RGS17: variants seen among roughly 807,000 people sequenced by gnomAD.
The protein encoded by RGS17 is regulator of G protein signaling 17.
A neutral mutation model predicts 25.5 loss-of-function variants in RGS17; 12 were observed. The ratio of observed to expected loss-of-function variants is 0.47; its 90% CI spans 0.30 to 0.76. The LOEUF (loss-of-function observed/expected upper bound fraction) is 0.76, where lower values mean the gene tolerates loss of function less well. Ranked by LOEUF, RGS17 falls within the 30% of genes least tolerant of loss-of-function variation. The pLI is 0.07. For synonymous variants in RGS17, 71 were observed against 76.9 expected (o/e 0.92, Z 0.40); for missense variants, 196 against 242.2 (o/e 0.81, Z 1.27).
rs1235183028 is a variant in RGS17, at chr6:153,127,311, T to C, written c.-26+3813A>G. Among the ~76,000 whole-genome samples the C allele has an allele frequency of 2.6e-5, 4 of 152,196 alleles. No homozygotes were observed. The East Asian group carries it at 7.7e-4, about 29-fold the overall frequency. On this transcript the variant is annotated intron_variant, in intron 1 of 4. Transcript: ENST00000206262. ...CCCTGTTCTAGAATATGATTCAAAT[T>C]CTTAAAACAATGGTACGTTTATATA...
intron 1 of RGS17, among the ~76,000 whole-genome samples, chr6:153,072,401 C>G (rs189403455): frequency 6.6e-6 from 1 of 152,098 alleles, no homozygotes; most frequent in Admixed American, 6.6e-5. Context: ...ATGGGATGCA[C>G]GTAGCTCTTC....
In RGS17 at chr6:153,060,854, T is replaced by A. The variant is rs755062988; in HGVS notation, c.-25-16811A>T. ...ATTATGAAATTCTGAACCCAGTATT[T>A]CATCTAGAACAACCATTTAAAAATT... On this transcript the variant is annotated intron_variant, in intron 1 of 4. Transcript: ENST00000206262. Among the ~76,000 whole-genome samples the A allele has an allele frequency of 3.3e-5, 5 of 152,204 alleles. No homozygotes were observed. The East Asian group carries it at 9.6e-4, about 29-fold the overall frequency.
intron 1 of RGS17, among the ~76,000 whole-genome samples, chr6:153,084,636 T>A (rs1400471943): frequency 6.6e-6 from 1 of 152,188 alleles, no homozygotes; most frequent in Non-Finnish European, 1.5e-5. Flanking sequence ...TGATTTAAGG[T>A]TCCTCAGAAG....
chr6:153,101,753 G>T (rs1298100877), intron 1 of RGS17, among the ~76,000 whole-genome samples: 1 of 150,976 alleles, frequency 6.6e-6, no homozygotes, highest in Non-Finnish European at 1.5e-5. Flanking sequence ...GTTCTCGTAA[G>T]ATCTGGTTGT....
chr6:153,108,021 C>T (rs184078557), intron 1 of RGS17, among the ~76,000 whole-genome samples: 1 of 152,268 alleles, frequency 6.6e-6, no homozygotes, highest in Admixed American at 6.5e-5. Context: ...TAGTGCTTCT[C>T]CTATGATATG....
chr6:153,119,708 G>T (rs1308375742), intron 1 of RGS17, among the ~76,000 whole-genome samples: 2 of 151,962 alleles, frequency 1.3e-5, no homozygotes, highest in East Asian at 3.9e-4. Flanking sequence ...AAGAAAAAAC[G>T]GTTATTTCCA....
chr6:153,129,678 A>G (rs1221410972), intron 1 of RGS17, among the ~76,000 whole-genome samples: 1 of 152,232 alleles, frequency 6.6e-6, no homozygotes, highest in Non-Finnish European at 1.5e-5. Context: ...TCTCTTTATT[A>G]TTTGTGAAAG....
intron 1 of RGS17, among the ~76,000 whole-genome samples, chr6:153,122,952 A>AC (rs1491361369): frequency 2.3e-4 from 35 of 151,530 alleles, no homozygotes; most frequent in Admixed American, 1.1e-3. Context: ...ACATTGGAGT[A>AC]AATTGGAGTA....
chr6:153,090,794 G>A (rs1385247411), intron 1 of RGS17, among the ~76,000 whole-genome samples: 3 of 152,004 alleles, frequency 2.0e-5, no homozygotes, highest in Non-Finnish European at 4.4e-5. Context: ...AGTCACAGCT[G>A]TTTCAGTAAT....
At chr6:153,098,216 T>C (rs1777246142) in intron 1 of RGS17, among the ~76,000 whole-genome samples, 1 of 152,126 alleles carries the variant, frequency 6.6e-6, no homozygotes, top group Non-Finnish European at 1.5e-5. Context: ...ATAGAGTCTT[T>C]CAGGTATTGG....
intron 1 of RGS17, among the ~76,000 whole-genome samples, chr6:153,073,940 T>C (rs1776842412): frequency 6.6e-6 from 1 of 152,110 alleles, no homozygotes; most frequent in Non-Finnish European, 1.5e-5. Context: ...GATTGCTTGA[T>C]GATAAAATAT....
At position 153,109,001 on chromosome 6, in the gene RGS17, G is replaced by A. The variant is rs1015804039; in HGVS notation, c.-26+22123C>T. Among the ~76,000 whole-genome samples, 5 of 152,014 alleles carry A rather than the reference G, an allele frequency of 3.3e-5. No homozygotes were observed. In the East Asian group the frequency reaches 9.7e-4, roughly 30 times the overall value. On this transcript the variant is annotated intron_variant, in intron 1 of 4. Coordinates refer to ENST00000206262, the MANE Select transcript of RGS17 (RefSeq NM_012419.5). ...TCTCAGAACAGTGCTAGCACATAGT[G>A]GGTGCTCAGTAAGTAATTTGTTTAA...
At position 153,009,275 on chromosome 6, in the gene RGS17, T is replaced by G. The variant is rs1206306739; in HGVS notation, c.*2299A>C. The G allele has an allele frequency of 6.6e-6, 1 of 152,130 alleles. No individual in the cohort carries two copies. Among genetic ancestry groups the G allele is most frequent in the Non-Finnish European group, 1.5e-5 (1 of 67,970 alleles). The allele number at this position is 152,130 out of a possible 1,614,324, so 9.4% of individuals were successfully genotyped here. On this transcript the variant is annotated 3_prime_UTR_variant, in exon 5 of 5. Coordinates refer to ENST00000206262, the MANE Select transcript of RGS17 (RefSeq NM_012419.5). ...TAAAGTCTACATTTAAAAAGATGGA[T>G]GCATGCAGTGTATCACAGTATATTA...
At chr6:153,056,706 T>C (rs540776473) in intron 1 of RGS17, among the ~76,000 whole-genome samples, 30 of 151,956 alleles carry the variant, frequency 2.0e-4, no homozygotes, top group African/African-American at 7.2e-4. Context: ...AGATGATGAA[T>C]CCCTATTTCT....
At chr6:153,027,453 A>G (rs188816656) in intron 2 of RGS17, among the ~76,000 whole-genome samples, 2 of 152,272 alleles carry the variant, frequency 1.3e-5, no homozygotes, top group Admixed American at 1.3e-4. Context: ...GAGCTCCCAA[A>G]TTAGCCAACT....
chr6:153,040,470 AT>A (rs1776307299), intron 2 of RGS17, among the ~76,000 whole-genome samples: 1 of 152,158 alleles, frequency 6.6e-6, no homozygotes, highest in African/African-American at 2.4e-5. Context: ...AGGGTGAGGT[AT>A]TTATATTTAT....
rs1461888935 is a variant in RGS17, at chr6:153,110,421, A to AACACACACACAC, written c.-26+20702_-26+20703insGTGTGTGTGTGT. Among the ~76,000 whole-genome samples, 4 of 68,776 alleles carry AACACACACACAC rather than the reference A, an allele frequency of 5.8e-5. 1 individual carries two copies. Among genetic ancestry groups the AACACACACACAC allele is most frequent in the Admixed American group, 3.3e-4 (2 of 6,110 alleles). The allele number at this position is 68,776 out of a possible 152,430, so 45.1% of individuals were successfully genotyped here. A position where few individuals can be genotyped will look rare whatever the true frequency, so the allele number is the denominator to read the frequency against. On this transcript the variant is annotated intron_variant, in intron 1 of 4. Transcript: ENST00000206262. The stretch of plus-strand genomic sequence containing the variant: ...CAATTTTGATGGACTCTTTACTGCC[A>AACACACACACAC]ACATACACACACACACACACACACA...
rs115740444 is a variant in RGS17, at chr6:153,049,007, G to A, written c.-25-4964C>T. ...TGAATTTTACAGCATTCCTATTAAC[G>A]ATAAGAAGAAAACAATAAAGTCTAT... On this transcript the variant is annotated intron_variant, in intron 1 of 4. Transcript: ENST00000206262. Among the ~76,000 whole-genome samples, 1,294 of 151,960 alleles carry A rather than the reference G, an allele frequency of 8.5e-3. 23 individuals are homozygous for A. The highest frequency in any genetic ancestry group is 0.03 in the African/African-American group (1,233 of 41,440).
intron 1 of RGS17, among the ~76,000 whole-genome samples, chr6:153,049,669 T>C (rs1414153340): frequency 6.6e-6 from 1 of 152,046 alleles, no homozygotes; most frequent in Non-Finnish European, 1.5e-5. Flanking sequence ...GAGAATGGCA[T>C]GAACCTGGGA....
Sources: gnomAD v4.1 joint callset for allele counts (sites outside exome capture counted in the v4.1 genomes callset) on GRCh38, gnomAD v4.1.1 for gene constraint, MANE v1.5 for transcripts, NCBI Gene and HGNC (gene_info 2026-07-23, HGNC 2026-07-21) for gene names.